ADCY5: variants seen among roughly 807,000 people sequenced by gnomAD.
ADCY5 encodes adenylate cyclase 5.
In ADCY5, 30 loss-of-function variants were observed where a neutral mutation model predicts 119.7. That is an observed-to-expected ratio of 0.25 (90% confidence interval 0.19 to 0.34). ADCY5 has a LOEUF of 0.34. Among genes scored for constraint, ADCY5 ranks in the 10% least tolerant of loss-of-function variants. ADCY5 has a pLI of 1.00. For synonymous variants in ADCY5, 753 were observed against 762.2 expected, an observed-to-expected ratio of 0.99 and a Z score of 0.20; for missense variants, 1,324 against 1,775.2, an observed-to-expected ratio of 0.75 and a Z score of 4.57.
intron 1 of ADCY5, among the ~76,000 whole-genome samples, chr3:123,370,366 C>T (rs774615134): frequency 1.3e-5 from 2 of 152,234 alleles, no homozygotes; most frequent in Non-Finnish European, 2.9e-5. Context: ...CCAGGCAATA[C>T]ACAGTCACTG....
intron 1 of ADCY5, among the ~76,000 whole-genome samples, chr3:123,415,756 G>C (rs1945170772): frequency 6.6e-6 from 1 of 152,088 alleles, no homozygotes; most frequent in Non-Finnish European, 1.5e-5. Flanking sequence ...CCATGCCCTT[G>C]GAGGTCGTTC....
chr3:123,411,064 T>G (rs1034685894), intron 1 of ADCY5, among the ~76,000 whole-genome samples: 22 of 152,158 alleles, frequency 1.4e-4, no homozygotes, highest in Admixed American at 7.2e-4. Context: ...TCACTCAGGT[T>G]TGTCAAATAT....
chr3:123,362,093 C>G (rs988939889), intron 1 of ADCY5, among the ~76,000 whole-genome samples: 5 of 152,148 alleles, frequency 3.3e-5, no homozygotes, highest in African/African-American at 1.2e-4. Flanking sequence ...TTGTGTCCAC[C>G]TTTTGGCTAT....
chr3:123,301,072 T>TCTTAGACAAC (rs1333612227), intron 14 of ADCY5, among the ~76,000 whole-genome samples: 2 of 151,774 alleles, frequency 1.3e-5, no homozygotes, highest in Non-Finnish European at 2.9e-5. Flanking sequence ...TCCGTTTCCT[T>TCTTAGACAAC]CTTAGACAAC....
intron 19 of ADCY5, among the ~76,000 whole-genome samples, chr3:123,289,345 A>G (rs1315473686): frequency 6.6e-6 from 1 of 152,134 alleles, no homozygotes; most frequent in Non-Finnish European, 1.5e-5. Context: ...GTATTACTCG[A>G]AACAAATGGG....
chr3:123,426,943 G>GA (rs1353110445), intron 1 of ADCY5, among the ~76,000 whole-genome samples: 1 of 152,196 alleles, frequency 6.6e-6, no homozygotes, highest in Non-Finnish European at 1.5e-5. Flanking sequence ...GCTGTCATGG[G>GA]ATATTTAAAG....
In ADCY5 at chr3:123,286,411, T is replaced by C. The variant is rs1938764136; in HGVS notation, c.3657+274A>G. 6.6e-6 allele frequency among the ~76,000 whole-genome samples: 1 copy of C among 152,164 alleles called. No individual in the cohort carries two copies. The highest frequency in any genetic ancestry group is 6.5e-5 in the Admixed American group (1 of 15,284). On this transcript the variant is annotated intron_variant, in intron 20 of 20. Coordinates refer to ENST00000462833, the MANE Select transcript of ADCY5 (RefSeq NM_183357.3). This position sits in a 1 kb window ranked among gnomAD's most constrained non-coding sequence, Gnocchi z 4.2. Reference sequence around the variant, plus strand: ...CTGCATGTGCACTCTCAGCTCGGCCTCTACAATCAGATCCACTCCCAGCAG... The same window carrying C: ...CTGCATGTGCACTCTCAGCTCGGCCCCTACAATCAGATCCACTCCCAGCAG...
rs989225784 is a variant in ADCY5, at chr3:123,282,931, C to A, written c.*1677G>T. 1 of 152,330 alleles carries A rather than the reference C, an allele frequency of 6.6e-6. No individual in the cohort carries two copies. 9.4% of individuals were successfully genotyped at this position (152,330 alleles called of 1,614,324 possible). A position where few individuals can be genotyped will look rare whatever the true frequency, so the allele number is the denominator to read the frequency against. On this transcript the variant is annotated 3_prime_UTR_variant, in exon 21 of 21. Coordinates refer to ENST00000462833, the MANE Select transcript of ADCY5 (RefSeq NM_183357.3). Reference sequence around the variant, plus strand: ...AGCAATGGAAAGATTTGGGCATGGGCCCTAAGGATTCCACTGAATTCTGTG... The same window carrying A: ...AGCAATGGAAAGATTTGGGCATGGGACCTAAGGATTCCACTGAATTCTGTG...
chr3:123,396,063 T>G (rs957437573), intron 1 of ADCY5, among the ~76,000 whole-genome samples: 270 of 6,344 alleles, frequency 0.043, 1 homozygote, highest in Middle Eastern at 0.1. Context: ...GGAGGGAGGG[T>G]GGGAGGGAGA....
intron 3 of ADCY5, among the ~76,000 whole-genome samples, chr3:123,337,378 C>A (rs922048158): frequency 2.0e-5 from 3 of 152,180 alleles, no homozygotes; most frequent in Non-Finnish European, 4.4e-5. Context: ...AAGGTGCCCC[C>A]GGTAGTTTCC....
At chr3:123,347,689 G>C (rs570897176) in intron 3 of ADCY5, 93 bp downstream of exon 3, 35 of 1,473,558 alleles carry the variant, frequency 2.4e-5, no homozygotes, top group Non-Finnish European at 3.0e-5. Flanking sequence ...AAGCCACCCT[G>C]TCGGGCTGTG....
chr3:123,433,537 G>T (rs1945557867), intron 1 of ADCY5, among the ~76,000 whole-genome samples: 1 of 152,192 alleles, frequency 6.6e-6, no homozygotes, highest in African/African-American at 2.4e-5. Flanking sequence ...TTCTTGAGAA[G>T]AGCGACAGGA....
rs1943766429 is a variant in ADCY5 at position 123,374,947 on chromosome 3, G to A, written c.1135-22366C>T. ...AGCTCACACTGAAGGGTTGAGAAGT[G>A]CCCATCAATGGGCACTCATATCTCT... On this transcript the variant is annotated intron_variant, in intron 1 of 20. Coordinates refer to ENST00000462833, the MANE Select transcript of ADCY5 (RefSeq NM_183357.3). Among the ~76,000 whole-genome samples the A allele has an allele frequency of 2.0e-5, 3 of 152,338 alleles. No homozygotes were observed. In the South Asian group the frequency reaches 6.2e-4, roughly 32 times the overall value.
intron 1 of ADCY5, among the ~76,000 whole-genome samples, chr3:123,389,210 G>C (rs1167134048): frequency 6.6e-6 from 1 of 152,154 alleles, no homozygotes; most frequent in Admixed American, 6.5e-5. Flanking sequence ...AAAAACATGA[G>C]GGCTTGGTGG....
chr3:123,426,289 TTTC>T lies in ADCY5; in HGVS notation c.1134+21120_1134+21122del, dbSNP rs781122413. Among the ~76,000 whole-genome samples, 747 of 113,880 alleles carry T rather than the reference TTTC, an allele frequency of 6.6e-3. 3 individuals carry two copies. Among genetic ancestry groups the T allele is most frequent in the Non-Finnish European group, 0.011 (641 of 56,346 alleles). The allele number at this position is 113,880 out of a possible 152,430, so 74.7% of individuals were successfully genotyped here. On this transcript the variant is annotated intron_variant, in intron 1 of 20. Transcript: ENST00000462833. The stretch of plus-strand genomic sequence containing the variant: ...TGACATTCTTTTTTTTTCTTTTTCT[TTTC>T]TTTTGTGTTTTTTTTTTGTTTGTTT...
Position 123,448,120 on chromosome 3 carries a change from C to CGCCGCCGCCGA in ADCY5, c.415_425dup (p.Ala143ArgfsTer99). The CGCCGCCGCCGA allele has an allele frequency of 9.3e-7, 1 of 1,074,938 alleles. No homozygotes were observed. The highest frequency in any genetic ancestry group is 1.1e-6 in the Non-Finnish European group (1 of 892,104). The allele number at this position is 1,074,938 out of a possible 1,614,324, so 66.6% of individuals were successfully genotyped here. A position where few individuals can be genotyped will look rare whatever the true frequency, so the allele number is the denominator to read the frequency against. Reference sequence around the variant, plus strand: ...CCTCCGTCCCGCCCGCCGAGGCAGCCGCCGCCGCCGAGCCGCCGCCGCCGC... The same window carrying CGCCGCCGCCGA: ...CCTCCGTCCCGCCCGCCGAGGCAGCCGCCGCCGCCGAGCCGCCGCCGAGCCGCCGCCGCCGC... On this transcript the variant is annotated frameshift_variant, in exon 1 of 21. Coordinates refer to ENST00000462833, the MANE Select transcript of ADCY5 (RefSeq NM_183357.3). LOFTEE classifies it high-confidence loss of function.
At chr3:123,362,619 A>G (rs1943287362) in intron 1 of ADCY5, among the ~76,000 whole-genome samples, 1 of 152,220 alleles carries the variant, frequency 6.6e-6, no homozygotes, top group South Asian at 2.1e-4. Context: ...AGTGCCTAGC[A>G]CTGGGAAACC....
At chr3:123,365,094 T>G (rs1943387095) in intron 1 of ADCY5, among the ~76,000 whole-genome samples, 1 of 151,960 alleles carries the variant, frequency 6.6e-6, no homozygotes, top group Non-Finnish European at 1.5e-5. Context: ...CCACCATGCC[T>G]AGCTAATTTT....
intron 12 of ADCY5, among the ~76,000 whole-genome samples, chr3:123,308,815 C>T (rs1490638463): frequency 3.9e-5 from 6 of 152,080 alleles, no homozygotes; most frequent in Non-Finnish European, 8.8e-5. Flanking sequence ...GGCAACAGAG[C>T]GAGACTCTGT....
Sources: allele counts gnomAD v4.1 joint callset (sites outside exome capture counted in the v4.1 genomes callset), GRCh38; gene constraint gnomAD v4.1.1; non-coding constraint Gnocchi (gnomAD v3.1); transcripts MANE v1.5; gene names NCBI Gene and HGNC (gene_info 2026-07-23, HGNC 2026-07-21).